DTL: variants seen among roughly 807,000 people sequenced by gnomAD.
The protein encoded by DTL is denticleless protein homolog.
In DTL, 46 loss-of-function variants were observed where a neutral mutation model predicts 87.0. The observed-to-expected ratio is 0.53, with a 90% CI of 0.42 to 0.68. The LOEUF (loss-of-function observed/expected upper bound fraction) is 0.68. Among genes scored for constraint, DTL ranks in the 30% least tolerant of loss-of-function variants. The pLI is 0.00. For missense variants in DTL, 737 were observed against 869.4 expected (o/e 0.85, Z 1.91); for synonymous variants, 308 against 311.2 (o/e 0.99, Z 0.11).
At chr1:212,044,540 G>A (rs1030794491) in intron 2 of DTL, 120 bp from the exon 3 acceptor site, 3 of 574,180 alleles carry the variant, frequency 5.2e-6, no homozygotes, top group Non-Finnish European at 9.3e-6. Context: ...GGAGGTGGAG[G>A]TTGCAGTGAG....
Position 212,044,683 on chromosome 1 carries a change from G to A in DTL, c.202G>A (p.Ala68Thr). 6.2e-7 allele frequency: 1 copy of A among 1,610,878 alleles called. No homozygotes were observed. Among genetic ancestry groups the A allele is most frequent in the South Asian group, 1.1e-5 (1 of 90,744 alleles). ...SSAPNMEHVL[A>T]VANEEGFVRL... ...AGCTCCCAATATGGAACATGTACTA[G>A]CAGTTGCCAATGAAGAAGGCTTTGT... is the stretch of plus-strand genomic sequence containing the variant. Residue 68 changes from alanine (A) to threonine (T), a missense_variant, in exon 3 of 15, where the codon GCA (alanine) becomes ACA (threonine). By Grantham distance (58) the Ala-to-Thr change is moderately conservative. Transcript: ENST00000366991.
chr1:212,102,225 T>C (rs957388194), intron 14 of DTL, among the ~76,000 whole-genome samples: 1 of 152,188 alleles, frequency 6.6e-6, no homozygotes, highest in African/African-American at 2.4e-5. Context: ...AAGACAGTTA[T>C]AAGGAATCTT....
Position 212,063,571 on chromosome 1 carries a change from G to A in DTL, c.526+622G>A, listed in dbSNP as rs192922063. Among the ~76,000 whole-genome samples the A allele has an allele frequency of 6.6e-5, 10 of 152,178 alleles. No individual in the cohort carries two copies. In the East Asian group the frequency reaches 1.4e-3, roughly 21 times the overall value. The stretch of plus-strand genomic sequence containing the variant: ...CTCCCAAAGTGCTGAAATTACAGGC[G>A]TGAGTCACCAGGCCCAGCCTGATTT... On this transcript the variant is annotated intron_variant, in intron 6 of 14. Transcript: ENST00000366991.
intron 5 of DTL, among the ~76,000 whole-genome samples, chr1:212,051,149 G>C (rs571267504): frequency 6.6e-6 from 1 of 151,830 alleles, no homozygotes; most frequent in South Asian, 2.1e-4. Context: ...GTTTTGTTTT[G>C]TTTTTCATCC....
At chr1:212,066,616 T>C (rs1654508497) in intron 7 of DTL, among the ~76,000 whole-genome samples, 196 bp from the exon 8 acceptor site, 1 of 152,220 alleles carries the variant, frequency 6.6e-6, no homozygotes, top group South Asian at 2.1e-4. Context: ...AGTTGAAATA[T>C]TAACACTGTA....
At chr1:212,040,332 G>A (rs1571936145) in intron 1 of DTL, among the ~76,000 whole-genome samples, 1 of 152,134 alleles carries the variant, frequency 6.6e-6, no homozygotes, top group Non-Finnish European at 1.5e-5. Context: ...ACTGTATATC[G>A]TAGTTGAGTA....
intron 7 of DTL, among the ~76,000 whole-genome samples, chr1:212,065,362 A>G (rs1183099038): frequency 6.6e-6 from 1 of 151,794 alleles, no homozygotes; most frequent in Non-Finnish European, 1.5e-5. Flanking sequence ...TTTTTTTTAC[A>G]ATTTCAATAT....
chr1:212,093,291 T>A (rs1655340727), intron 13 of DTL, among the ~76,000 whole-genome samples: 1 of 152,164 alleles, frequency 6.6e-6, no homozygotes, highest in African/African-American at 2.4e-5. Flanking sequence ...GAAGCCCCAG[T>A]GGGCGTGTGT....
At chr1:212,044,423 G>A (rs891331114) in intron 2 of DTL, among the ~76,000 whole-genome samples, 1 of 152,054 alleles carries the variant, frequency 6.6e-6, no homozygotes, top group African/African-American at 2.4e-5. Context: ...TGACCAGCAT[G>A]GTGAAACCCC....
intron 13 of DTL, among the ~76,000 whole-genome samples, chr1:212,087,872 A>C (rs1192797575): frequency 6.6e-6 from 1 of 152,148 alleles, no homozygotes; most frequent in East Asian, 1.9e-4. Flanking sequence ...CCTGGCTTGT[A>C]AACCCCCTCA....
At chr1:212,069,992 A>G (rs1654624212) in intron 10 of DTL, among the ~76,000 whole-genome samples, 1 of 152,202 alleles carries the variant, frequency 6.6e-6, no homozygotes, top group South Asian at 2.1e-4. Context: ...CAGGAGCAAT[A>G]GTATTTAGAA....
At chr1:212,093,131 T>C (rs1170403558) in intron 13 of DTL, among the ~76,000 whole-genome samples, 1 of 152,158 alleles carries the variant, frequency 6.6e-6, no homozygotes, top group African/African-American at 2.4e-5. Context: ...ACTGGAAAAG[T>C]TCCCTTGTCC....
Position 212,043,061 on chromosome 1 carries a change from ACTT to A in DTL, c.125_127del (p.Ser42del). On this transcript the variant is annotated inframe_deletion, in exon 2 of 15. Coordinates refer to ENST00000366991, the MANE Select transcript of DTL (RefSeq NM_016448.4). ...TCAGTGCAGTGGTAATGATGAACAC[ACTT>A]CTTATGGAGAAACAGGAGTCCCAGT... 6.2e-7 allele frequency: 1 copy of A among 1,613,412 alleles called. No individual in the cohort carries two copies. The highest frequency in any genetic ancestry group is 8.5e-7 in the Non-Finnish European group (1 of 1,179,636).
intron 12 of DTL, among the ~76,000 whole-genome samples, chr1:212,079,206 A>AT (rs1168793161): frequency 6.6e-6 from 1 of 151,340 alleles, no homozygotes; most frequent in Non-Finnish European, 1.5e-5. Context: ...TATTAATGAT[A>AT]TTTTTTCCTC....
At chr1:212,045,318 A>G (rs1194597725) in intron 3 of DTL, among the ~76,000 whole-genome samples, 1 of 152,230 alleles carries the variant, frequency 6.6e-6, no homozygotes, top group East Asian at 1.9e-4. Context: ...TGGACTGCCT[A>G]TCTGTCAATA....
intron 5 of DTL, among the ~76,000 whole-genome samples, chr1:212,054,532 G>T (rs1050746561): frequency 6.6e-6 from 1 of 151,948 alleles, no homozygotes; most frequent in Non-Finnish European, 1.5e-5. Flanking sequence ...GGTGGCTCAT[G>T]CCTGTAATCC....
At chr1:212,063,574 A>T (rs557309366) in intron 6 of DTL, among the ~76,000 whole-genome samples, 1 of 152,262 alleles carries the variant, frequency 6.6e-6, no homozygotes, top group East Asian at 1.9e-4. Context: ...TACAGGCGTG[A>T]GTCACCAGGC....
Position 212,103,752 on chromosome 1 carries a change from T to C in DTL, c.*812T>C, listed in dbSNP as rs1468479936. On this transcript the variant is annotated 3_prime_UTR_variant, in exon 15 of 15. Transcript: ENST00000366991. ...TTTGCCATTTACTAGAGGAAGATGTTTTATGAAATCAATTTGGGGTTTGAA... is the reference window on the plus strand; with the variant it reads ...TTTGCCATTTACTAGAGGAAGATGTCTTATGAAATCAATTTGGGGTTTGAA... 2.0e-5 allele frequency: 3 copies of C among 152,300 alleles called. No homozygotes were observed. In the East Asian group the frequency reaches 5.8e-4, roughly 29 times the overall value. The allele number at this position is 152,300 out of a possible 1,614,324, so 9.4% of individuals were successfully genotyped here. A position where few individuals can be genotyped will look rare whatever the true frequency, so the allele number is the denominator to read the frequency against.
intron 13 of DTL, among the ~76,000 whole-genome samples, chr1:212,085,808 G>A (rs1016098783): frequency 2.6e-5 from 4 of 152,162 alleles, no homozygotes; most frequent in African/African-American, 4.8e-5. Flanking sequence ...GTGTTATGGT[G>A]TGAGTTAGGC....
Sources: gnomAD v4.1 joint callset for allele counts (sites outside exome capture counted in the v4.1 genomes callset) on GRCh38, gnomAD v4.1.1 for gene constraint, MANE v1.5 for transcripts, NCBI Gene and HGNC (gene_info 2026-07-23, HGNC 2026-07-21) for gene names.